The following TMPRSS6 variants were observed in gnomAD, a reference collection of about 807,000 sequenced individuals.
TMPRSS6 encodes transmembrane protease serine 6.
TMPRSS6 carries 67 observed loss-of-function variants against 101.5 expected under a neutral mutation model. That is an observed-to-expected ratio of 0.66 (90% CI 0.54 to 0.81). The LOEUF (loss-of-function observed/expected upper bound fraction) is 0.81. Among genes scored for constraint, TMPRSS6 ranks in the 30% least tolerant of loss-of-function variants. TMPRSS6 has a pLI of 0.00. For missense variants in TMPRSS6, 1,034 were observed against 1,088.7 expected (o/e 0.95, Z 0.71); for synonymous variants, 453 against 464.9 (o/e 0.97, Z 0.33).
rs781776157 is a variant in TMPRSS6, at chr22:37,066,032, GCT to G, written c.*46_*47del. 2 of 1,610,712 alleles carry G rather than the reference GCT, an allele frequency of 1.2e-6. No homozygotes were observed. Among genetic ancestry groups the G allele is most frequent in the Non-Finnish European group, 1.7e-6 (2 of 1,178,064 alleles). On this transcript the variant is annotated 3_prime_UTR_variant, in exon 18 of 18. Transcript: ENST00000676104. ...TCCCCCTGCTTGGCAGTTGCCCTGG[GCT>G]CTCTGAGTCCAGGAGGTGGGCCCTG...
chr22:37,066,727 G>A (rs1285063032), intron 17 of TMPRSS6, 99 bp downstream of exon 17: 2 of 1,525,410 alleles, frequency 1.3e-6, no homozygotes, highest in Non-Finnish European at 1.8e-6. Context: ...GGGAGGATGG[G>A]AGGCTTCAGC....
intron 16 of TMPRSS6, among the ~76,000 whole-genome samples, chr22:37,067,440 C>G (rs967834770): frequency 1.3e-5 from 2 of 152,098 alleles, no homozygotes; most frequent in Non-Finnish European, 2.9e-5. Context: ...GCACTCCAGC[C>G]TGGGCAACAA....
chr22:37,075,140 G>A lies in TMPRSS6; in HGVS notation c.1337C>T (p.Ser446Leu), dbSNP rs146063847. The change falls in exon 11 of 18, where the codon TCG (serine) becomes TTG (leucine). Residue 446 changes from serine to leucine, a missense_variant. Ser to Leu is a moderately radical substitution (Grantham distance 145, BLOSUM62 -2). Transcript: ENST00000676104. ...VRVHYGLYNQ[S>L]DPCPGEFLCS... ...CCCCGGCTGCCCATACTCACGGTCC[G>A]ACTGGTTGTACAAGCCATAGTGCAC... The A allele has an allele frequency of 1.8e-5, 29 of 1,613,624 alleles. No homozygotes were observed. The highest frequency in any genetic ancestry group is 6.7e-5 in the East Asian group (3 of 44,890).
chr22:37,075,496 G>C (rs1927556656), intron 10 of TMPRSS6, among the ~76,000 whole-genome samples: 1 of 152,148 alleles, frequency 6.6e-6, no homozygotes, highest in Non-Finnish European at 1.5e-5. Context: ...ATCTTCAATG[G>C]CTCCCCATTG....
intron 6 of TMPRSS6, among the ~76,000 whole-genome samples, chr22:37,091,321 GT>G (rs1929241566): frequency 6.6e-6 from 1 of 152,198 alleles, no homozygotes. Flanking sequence ...TTTTCAGTCT[GT>G]TTTCTCTGCT....
intron 13 of TMPRSS6, among the ~76,000 whole-genome samples, chr22:37,071,580 A>G (rs994942783): frequency 3.9e-5 from 6 of 152,222 alleles, no homozygotes; most frequent in African/African-American, 1.4e-4. Flanking sequence ...ACAAGGCAGG[A>G]GAGTCACCCA....
intron 6 of TMPRSS6, among the ~76,000 whole-genome samples, chr22:37,090,323 T>C (rs1929155339): frequency 6.6e-6 from 1 of 152,154 alleles, no homozygotes; most frequent in Non-Finnish European, 1.5e-5. Context: ...CCACAGAAGG[T>C]TGGGCAAGGC....
Position 37,103,636 on chromosome 22 carries a change from G to T in TMPRSS6, c.-1-218C>A. 1 of 1,576,320 alleles carries T rather than the reference G, an allele frequency of 6.3e-7. No individual in the cohort carries two copies. On this transcript the variant is annotated intron_variant, in intron 1 of 17. Transcript: ENST00000676104. This position sits in a 1 kb window ranked among gnomAD's most constrained non-coding sequence, Gnocchi z 4.4. ...CACCAGAGGGCAGGCACCAGAGCTGGACTGGGTCTGGCTCAAGAACCCCAC... is the reference window on the plus strand; with the variant it reads ...CACCAGAGGGCAGGCACCAGAGCTGTACTGGGTCTGGCTCAAGAACCCCAC...
chr22:37,065,940 G>A lies in TMPRSS6; in HGVS notation c.*140C>T, dbSNP rs886057491. 17 of 1,109,762 alleles carry A rather than the reference G, an allele frequency of 1.5e-5. No individual in the cohort carries two copies. Among genetic ancestry groups the A allele is most frequent in the Non-Finnish European group, 2.1e-5 (16 of 761,320 alleles). The allele number at this position is 1,109,762 out of a possible 1,614,324, so 68.7% of individuals were successfully genotyped here. On this transcript the variant is annotated 3_prime_UTR_variant, in exon 18 of 18. Transcript: ENST00000676104. ...CATCACTGGAGCAGACATCAGGGAC[G>A]AGACAAGATGCCACCTCCTGCCACC...
intron 6 of TMPRSS6, among the ~76,000 whole-genome samples, chr22:37,091,250 A>G (rs556483114): frequency 6.6e-6 from 1 of 152,266 alleles, no homozygotes; most frequent in African/African-American, 2.4e-5. Context: ...GCCAGTGGGG[A>G]TTTAGGAATG....
At chr22:37,082,848 A>T (rs1481411489) in intron 10 of TMPRSS6, 3 of 404,548 alleles carry the variant, frequency 7.4e-6, no homozygotes, top group Non-Finnish European at 9.9e-6. Flanking sequence ...TCATGCCATG[A>T]GTATTTCTTC....
intron 6 of TMPRSS6, among the ~76,000 whole-genome samples, chr22:37,093,703 A>C (rs1201358803): frequency 1.3e-5 from 2 of 148,210 alleles, no homozygotes; most frequent in Non-Finnish European, 3.0e-5. Flanking sequence ...TGCCTGGCTG[A>C]CTTTTATATT....
At chr22:37,085,066 C>T (rs534304497) in intron 8 of TMPRSS6, among the ~76,000 whole-genome samples, 15 of 152,296 alleles carry the variant, frequency 9.8e-5, no homozygotes, top group African/African-American at 3.6e-4. Flanking sequence ...AACATTCAAA[C>T]AGCCTGGCAT....
In TMPRSS6 at chr22:37,103,261, G is replaced by A; in HGVS notation, c.157C>T (p.Leu53=). ...ACCCCCGCCGAAGCCAGCACGAGCA[G>A]GGCCAGCAGCACAAACAGGGGCACC... ...RLVPLFVLLA[L]LVLASAGVLL... Residue 53 remains leucine (L), a synonymous_variant, in exon 2 of 18, where the codon CTG becomes TTG. Transcript: ENST00000676104. The surrounding 1 kb of genome is among the most constrained non-coding windows in gnomAD (Gnocchi z 4.4). The A allele has an allele frequency of 6.2e-7, 1 of 1,614,134 alleles. No homozygotes were observed. Among genetic ancestry groups the A allele is most frequent in the Non-Finnish European group, 8.5e-7 (1 of 1,179,970 alleles).
chr22:37,109,091 C>T (rs545966992), intron 1 of TMPRSS6, among the ~76,000 whole-genome samples: 1 of 152,310 alleles, frequency 6.6e-6, no homozygotes, highest in African/African-American at 2.4e-5. Flanking sequence ...GGGCTTAAGT[C>T]AGTACATAGG....
chr22:37,101,365 G>A lies in TMPRSS6; in HGVS notation c.202+1851C>T, dbSNP rs138926304. Among the ~76,000 whole-genome samples the A allele has an allele frequency of 8.2e-4, 125 of 152,200 alleles. 2 individuals are homozygous for A. The East Asian group carries it at 0.019, about 23-fold the overall frequency. Reference sequence around the variant, plus strand: ...GCCTGGGAGAGCAGGAAAGGGAAAGGACCCAGGAAATATGGTTGGTGGTAT... The same window carrying A: ...GCCTGGGAGAGCAGGAAAGGGAAAGAACCCAGGAAATATGGTTGGTGGTAT... On this transcript the variant is annotated intron_variant, in intron 2 of 17. Transcript: ENST00000676104. The surrounding 1 kb of genome is among the most constrained non-coding windows in gnomAD (Gnocchi z 4.1).
intron 3 of TMPRSS6, 74 bp from the exon 4 acceptor site, chr22:37,096,789 C>T (rs1601566056): frequency 1.4e-6 from 2 of 1,418,092 alleles, no homozygotes; most frequent in East Asian, 5.0e-5. Context: ...CTGGAGGTGC[C>T]CTTTGCTCCT....
intron 13 of TMPRSS6, 145 bp downstream of exon 13, chr22:37,073,387 G>GATGGATGGATGA (rs1927322427): frequency 1.6e-6 from 1 of 616,888 alleles, no homozygotes; most frequent in Non-Finnish European, 3.0e-6. Flanking sequence ...TGGATGGATG[G>GATGGATGGATGA]ATGGATGAAT....
At chr22:37,108,673 T>C (rs1269367298) in intron 1 of TMPRSS6, among the ~76,000 whole-genome samples, 1 of 152,210 alleles carries the variant, frequency 6.6e-6, no homozygotes, top group Non-Finnish European at 1.5e-5. Context: ...TGGGCAGTGC[T>C]GCAAACTCCA....
Sources: allele counts gnomAD v4.1 joint callset (sites outside exome capture counted in the v4.1 genomes callset), GRCh38; gene constraint gnomAD v4.1.1; non-coding constraint Gnocchi (gnomAD v3.1); transcripts MANE v1.5; gene names NCBI Gene and HGNC (gene_info 2026-07-23, HGNC 2026-07-21).